The following ST8SIA1 variants were observed in gnomAD, a reference collection of about 807,000 sequenced individuals.
The protein encoded by ST8SIA1 is ST8 alpha-N-acetyl-neuraminide alpha-2,8-sialyltransferase 1.
Under a neutral mutation model 35.9 loss-of-function variants are expected in ST8SIA1, and 16 were observed. The ratio of observed to expected loss-of-function variants is 0.45; its 90% CI spans 0.30 to 0.68. The LOEUF (loss-of-function observed/expected upper bound fraction) is 0.68, where lower values mean the gene tolerates loss of function less well. Among genes scored for constraint, ST8SIA1 ranks in the 30% least tolerant of loss-of-function variants. The probability of loss-of-function intolerance (pLI) is 0.09; values close to 1 mark genes in which losing one functional copy is unlikely to be tolerated. For synonymous variants in ST8SIA1, 170 were observed against 169.6 expected (o/e 1.00, Z -0.02); for missense variants, 383 against 453.6 (o/e 0.84, Z 1.41).
At chr12:22,218,920 G>C (rs977344329) in intron 4 of ST8SIA1, among the ~76,000 whole-genome samples, 1 of 152,040 alleles carries the variant, frequency 6.6e-6, no homozygotes, top group Admixed American at 6.5e-5. Context: ...TTCTTTGTCA[G>C]AGCAGAAAGG....
chr12:22,206,692 A>G (rs1414278026), intron 4 of ST8SIA1, among the ~76,000 whole-genome samples: 1 of 152,192 alleles, frequency 6.6e-6, no homozygotes, highest in Non-Finnish European at 1.5e-5. Flanking sequence ...ATCTCAACCC[A>G]GAGTAAAACC....
intron 2 of ST8SIA1, among the ~76,000 whole-genome samples, chr12:22,284,066 C>T (rs1866066755): frequency 6.6e-6 from 1 of 152,162 alleles, no homozygotes; most frequent in Admixed American, 6.5e-5. Context: ...ACAGACATTT[C>T]AATAGTTACC....
intron 1 of ST8SIA1, among the ~76,000 whole-genome samples, chr12:22,319,109 T>C (rs995748203): frequency 1.3e-5 from 2 of 152,252 alleles, no homozygotes. Flanking sequence ...GCCTGTTTCT[T>C]TGTAAAATAA....
chr12:22,322,209 C>T (rs905498858), intron 1 of ST8SIA1, among the ~76,000 whole-genome samples: 2 of 152,076 alleles, frequency 1.3e-5, no homozygotes, highest in Non-Finnish European at 2.9e-5. Context: ...CTAAGGCAAA[C>T]CTGTGTTTGT....
chr12:22,299,519 G>A (rs763994627), intron 1 of ST8SIA1, among the ~76,000 whole-genome samples: 10 of 151,942 alleles, frequency 6.6e-5, no homozygotes, highest in Non-Finnish European at 1.0e-4. Flanking sequence ...CCAATAAGAG[G>A]CTGTATTAAA....
intron 3 of ST8SIA1, among the ~76,000 whole-genome samples, chr12:22,251,608 T>C (rs539678476): frequency 1.3e-5 from 2 of 152,312 alleles, no homozygotes; most frequent in East Asian, 3.9e-4. Flanking sequence ...AATTGATAAT[T>C]ACAAAGATGT....
At chr12:22,280,585 C>T (rs1866021224) in intron 2 of ST8SIA1, among the ~76,000 whole-genome samples, 1 of 152,182 alleles carries the variant, frequency 6.6e-6, no homozygotes, top group Non-Finnish European at 1.5e-5. Context: ...CAAGATAGAG[C>T]ATTCCTTTAT....
chr12:22,308,665 C>T (rs1324958202), intron 1 of ST8SIA1, among the ~76,000 whole-genome samples: 15 of 152,146 alleles, frequency 9.9e-5, no homozygotes, highest in Admixed American at 9.8e-4. Context: ...ATTACCTCTA[C>T]TGAAACTGCC....
intron 4 of ST8SIA1, among the ~76,000 whole-genome samples, chr12:22,227,785 T>C (rs1263621056): frequency 6.6e-6 from 1 of 152,202 alleles, no homozygotes; most frequent in Non-Finnish European, 1.5e-5. Context: ...TTCTTAGACC[T>C]AGACTTACAA....
intron 2 of ST8SIA1, among the ~76,000 whole-genome samples, chr12:22,276,221 G>T (rs536104055): frequency 4.6e-5 from 7 of 151,078 alleles, no homozygotes; most frequent in Admixed American, 2.6e-4. Flanking sequence ...TTTAGGGCTT[G>T]TGCCCTGTTT....
chr12:22,297,203 A>C (rs962947874), intron 1 of ST8SIA1, among the ~76,000 whole-genome samples: 7 of 152,112 alleles, frequency 4.6e-5, no homozygotes, highest in African/African-American at 1.4e-4. Flanking sequence ...AGGAAGAGAA[A>C]AAAGATACAG....
chr12:22,212,171 T>G (rs543089663), intron 4 of ST8SIA1, among the ~76,000 whole-genome samples: 3 of 152,258 alleles, frequency 2.0e-5, no homozygotes. Flanking sequence ...CTGACCATAT[T>G]GCGTTTTAAA....
At chr12:22,224,804 G>T (rs1156280492) in intron 4 of ST8SIA1, among the ~76,000 whole-genome samples, 1 of 152,076 alleles carries the variant, frequency 6.6e-6, no homozygotes, top group African/African-American at 2.4e-5. Context: ...TTTCTCTTGG[G>T]TCAAATCCTT....
At chr12:22,314,712 C>T (rs1450899981) in intron 1 of ST8SIA1, among the ~76,000 whole-genome samples, 1 of 152,146 alleles carries the variant, frequency 6.6e-6, no homozygotes, top group African/African-American at 2.4e-5. Context: ...TCTGCCCATT[C>T]TATGCCATTC....
intron 1 of ST8SIA1, among the ~76,000 whole-genome samples, chr12:22,313,911 G>A (rs1384293503): frequency 6.6e-6 from 1 of 152,142 alleles, no homozygotes; most frequent in Non-Finnish European, 1.5e-5. Context: ...TCTTTAAAAT[G>A]TCTATCTCTT....
At chr12:22,262,877 A>G (rs945363669) in intron 2 of ST8SIA1, among the ~76,000 whole-genome samples, 2 of 152,254 alleles carry the variant, frequency 1.3e-5, no homozygotes, top group African/African-American at 2.4e-5. Flanking sequence ...AAACCACTAA[A>G]GGGCAGAACA....
At chr12:22,249,997 T>G (rs1320020939) in intron 3 of ST8SIA1, among the ~76,000 whole-genome samples, 2 of 152,174 alleles carry the variant, frequency 1.3e-5, no homozygotes, top group Admixed American at 1.3e-4. Context: ...CTGGTGAAGG[T>G]ATAATGGCTC....
At chr12:22,291,541 G>A (rs910524745) in intron 1 of ST8SIA1, among the ~76,000 whole-genome samples, 2 of 152,186 alleles carry the variant, frequency 1.3e-5, no homozygotes, top group Non-Finnish European at 2.9e-5. Flanking sequence ...CCCTGAACAT[G>A]CATGTGACAA....
chr12:22,280,187 T>C (rs559815526), intron 2 of ST8SIA1, among the ~76,000 whole-genome samples: 2 of 152,102 alleles, frequency 1.3e-5, no homozygotes, highest in African/African-American at 2.4e-5. Context: ...TTAATAGAAA[T>C]GAAACAGAGG....
Sources: allele counts gnomAD v4.1 joint callset (sites outside exome capture counted in the v4.1 genomes callset), GRCh38; gene constraint gnomAD v4.1.1; transcripts MANE v1.5; gene names NCBI Gene and HGNC (gene_info 2026-07-23, HGNC 2026-07-21).